The following ATRNL1 variants were observed in gnomAD, a reference collection of about 807,000 sequenced individuals.
The protein encoded by ATRNL1 is attractin like 1.
In ATRNL1, 95 loss-of-function variants were observed where a neutral mutation model predicts 182.7. The observed-to-expected ratio is 0.52, with a 90% CI of 0.44 to 0.62. ATRNL1 has a LOEUF of 0.62. Ranked by LOEUF, ATRNL1 falls within the 20% of genes least tolerant of loss-of-function variation. The pLI, the probability that ATRNL1 is intolerant of heterozygous loss-of-function variation, is 0.00. For missense variants in ATRNL1, 1,471 were observed against 1,679.5 expected (o/e 0.88, Z 2.17); for synonymous variants, 576 against 568.3 (o/e 1.01, Z -0.19).
At chr10:115,383,009 G>T (rs1858112986) in intron 19 of ATRNL1, among the ~76,000 whole-genome samples, 1 of 151,834 alleles carries the variant, frequency 6.6e-6, no homozygotes, top group Non-Finnish European at 1.5e-5. Context: ...AATAGAAATA[G>T]AGAGGAAGTT....
chr10:115,565,934 T>C (rs1227326160), intron 26 of ATRNL1, among the ~76,000 whole-genome samples: 2 of 151,698 alleles, frequency 1.3e-5, no homozygotes, highest in Non-Finnish European at 2.9e-5. Context: ...TCTAAAATTG[T>C]TTGAGTAAAA....
rs1564990370 is a variant in ATRNL1, at chr10:115,389,591, TTTC to T, written c.3176-5067_3176-5065del. On this transcript the variant is annotated intron_variant, in intron 19 of 28. Coordinates refer to ENST00000355044, the MANE Select transcript of ATRNL1 (RefSeq NM_207303.4). ...ATATATATATATATATATATATATA[TTTC>T]ATCCAATGATGGACACCTAGGTTGC... Among the ~76,000 whole-genome samples, 278 of 105,712 alleles carry T rather than the reference TTTC, an allele frequency of 2.6e-3. 13 individuals carry two copies. Among genetic ancestry groups the T allele is most frequent in the African/African-American group, 0.01 (261 of 25,232 alleles). The allele number at this position is 105,712 out of a possible 152,430, so 69.4% of individuals were successfully genotyped here.
chr10:115,366,740 C>T (rs1310408904), intron 19 of ATRNL1, among the ~76,000 whole-genome samples: 10 of 151,654 alleles, frequency 6.6e-5, no homozygotes, highest in African/African-American at 1.5e-4. Context: ...TTAGCATTTG[C>T]TTGTCTGTAA....
chr10:115,476,399 T>C (rs1226429658), intron 24 of ATRNL1, among the ~76,000 whole-genome samples: 1 of 151,350 alleles, frequency 6.6e-6, no homozygotes, highest in Admixed American at 6.6e-5. Flanking sequence ...TTAATGTCAG[T>C]TGGATATTTA....
At chr10:115,573,369 T>A (rs1236251904) in intron 26 of ATRNL1, among the ~76,000 whole-genome samples, 2 of 151,926 alleles carry the variant, frequency 1.3e-5, no homozygotes, top group African/African-American at 4.8e-5. Flanking sequence ...CCATTGTCTG[T>A]CTGCTTGCCT....
At chr10:115,804,937 T>A (rs1022239815) in intron 27 of ATRNL1, among the ~76,000 whole-genome samples, 2 of 152,248 alleles carry the variant, frequency 1.3e-5, no homozygotes, top group Non-Finnish European at 2.9e-5. Flanking sequence ...TAGGTTAGTC[T>A]AACAACATTT....
chr10:115,601,798 G>A (rs150980492), intron 26 of ATRNL1, among the ~76,000 whole-genome samples: 241 of 152,018 alleles, frequency 1.6e-3, no homozygotes, highest in Middle Eastern at 6.8e-3. Flanking sequence ...TAACTCTTTC[G>A]TTATTCCAGC....
At chr10:115,143,827 C>T (rs1213193835) in intron 5 of ATRNL1, among the ~76,000 whole-genome samples, 2 of 152,122 alleles carry the variant, frequency 1.3e-5, no homozygotes, top group Non-Finnish European at 2.9e-5. Flanking sequence ...GCACTGATCT[C>T]ACCATGAGGA....
chr10:115,161,692 A>C (rs1379583463), intron 6 of ATRNL1, among the ~76,000 whole-genome samples: 1 of 152,102 alleles, frequency 6.6e-6, no homozygotes, highest in Non-Finnish European at 1.5e-5. Context: ...ATTTAAGCCA[A>C]CTTTTTTTTG....
In ATRNL1 at chr10:115,805,191, A is replaced by G. The variant is rs547098336; in HGVS notation, c.3904-42686A>G. Among the ~76,000 whole-genome samples, 5 of 152,262 alleles carry G rather than the reference A, an allele frequency of 3.3e-5. No individual in the cohort carries two copies. The East Asian group carries it at 5.8e-4, about 18-fold the overall frequency. Reference sequence around the variant, plus strand: ...TCCAATGTGACTTATCTGTAATCCTATTAGTCCATTCTATTCCCTTGATAT... The same window carrying G: ...TCCAATGTGACTTATCTGTAATCCTGTTAGTCCATTCTATTCCCTTGATAT... On this transcript the variant is annotated intron_variant, in intron 27 of 28. Transcript: ENST00000355044.
chr10:115,410,752 G>A (rs1328562568), intron 20 of ATRNL1, among the ~76,000 whole-genome samples: 6 of 151,972 alleles, frequency 3.9e-5, no homozygotes, highest in Admixed American at 1.3e-4. Flanking sequence ...TTTATTTTCA[G>A]AGACAGAGTC....
chr10:115,305,578 G>A (rs1274572724), intron 17 of ATRNL1, among the ~76,000 whole-genome samples: 2 of 152,116 alleles, frequency 1.3e-5, no homozygotes, highest in Non-Finnish European at 2.9e-5. Flanking sequence ...TACAAGAGTT[G>A]AAGACTTGTG....
intron 7 of ATRNL1, among the ~76,000 whole-genome samples, chr10:115,168,656 A>T (rs1320663479): frequency 6.6e-6 from 1 of 152,012 alleles, no homozygotes; most frequent in African/African-American, 2.4e-5. Context: ...TTTAAAATTA[A>T]GTTGTCCTTT....
intron 10 of ATRNL1, among the ~76,000 whole-genome samples, chr10:115,253,578 T>C (rs1850975906): frequency 6.6e-6 from 1 of 152,164 alleles, no homozygotes; most frequent in South Asian, 2.1e-4. Context: ...TACATGTTCA[T>C]CATTGGTGGG....
chr10:115,314,318 G>A lies in ATRNL1; in HGVS notation c.2819-1200G>A, dbSNP rs561731343. Among the ~76,000 whole-genome samples, 10 of 152,234 alleles carry A rather than the reference G, an allele frequency of 6.6e-5. No individual in the cohort carries two copies. In the East Asian group the frequency reaches 1.7e-3, roughly 26 times the overall value. ...ATAATTGGTAAATTTTTTAAATCCAGTATTCTATTATCTGTGCAGAGTCAA... is the reference window on the plus strand; with the variant it reads ...ATAATTGGTAAATTTTTTAAATCCAATATTCTATTATCTGTGCAGAGTCAA... On this transcript the variant is annotated intron_variant, in intron 17 of 28. Coordinates refer to ENST00000355044, the MANE Select transcript of ATRNL1 (RefSeq NM_207303.4).
chr10:115,756,873 T>C (rs1555072184), intron 27 of ATRNL1, among the ~76,000 whole-genome samples: 1 of 152,192 alleles, frequency 6.6e-6, no homozygotes, highest in Non-Finnish European at 1.5e-5. Flanking sequence ...ATATTTAGGA[T>C]AGTTAGCTCT....
At position 115,473,227 on chromosome 10, in the gene ATRNL1, G is replaced by A. The variant is rs113320038; in HGVS notation, c.3654+3898G>A. On this transcript the variant is annotated intron_variant, in intron 24 of 28. Transcript: ENST00000355044. ...TGTTTTATGATACTTATAATGTGCT[G>A]TTGAATCAAATGTGGTTGGCTAGCA... Among the ~76,000 whole-genome samples, 486 of 151,338 alleles carry A rather than the reference G, an allele frequency of 3.2e-3. 3 individuals carry two copies. Among genetic ancestry groups the A allele is most frequent in the African/African-American group, 0.011 (471 of 41,416 alleles).
intron 28 of ATRNL1, among the ~76,000 whole-genome samples, chr10:115,920,144 A>G (rs1953005283): frequency 6.6e-6 from 1 of 152,154 alleles, no homozygotes; most frequent in South Asian, 2.1e-4. Context: ...AGACTCATGG[A>G]CAGCATTCTT....
At chr10:115,393,874 A>C (rs1161758271) in intron 19 of ATRNL1, among the ~76,000 whole-genome samples, 8 of 152,106 alleles carry the variant, frequency 5.3e-5, no homozygotes, top group African/African-American at 1.9e-4. Flanking sequence ...AAAGGATTGC[A>C]AAGTAAGAAA....
Sources: gnomAD v4.1 joint callset for allele counts (sites outside exome capture counted in the v4.1 genomes callset) on GRCh38, gnomAD v4.1.1 for gene constraint, MANE v1.5 for transcripts, NCBI Gene and HGNC (gene_info 2026-07-23, HGNC 2026-07-21) for gene names.